The following SH3RF3 variants were observed in gnomAD, a reference collection of about 807,000 sequenced individuals.
The protein encoded by SH3RF3 is SH3 domain containing ring finger 3.
Under a neutral mutation model 66.3 loss-of-function variants are expected in SH3RF3, and 29 were observed. The ratio of observed to expected loss-of-function variants is 0.44; its 90% CI spans 0.33 to 0.60. The LOEUF is 0.60. SH3RF3 is among the 20% of genes least tolerant of loss of function. The pLI is 0.04. For synonymous variants in SH3RF3, 583 were observed against 532.0 expected, an observed-to-expected ratio of 1.10 and a Z score of -1.32; for missense variants, 1,194 against 1,190.9, an observed-to-expected ratio of 1.00 and a Z score of -0.04.
intron 1 of SH3RF3, among the ~76,000 whole-genome samples, chr2:109,317,526 G>C (rs1197192362): frequency 2.0e-5 from 3 of 152,162 alleles, no homozygotes; most frequent in Non-Finnish European, 1.5e-5. Flanking sequence ...GCAGGGACTT[G>C]GTTCTAGGTC....
At position 109,228,271 on chromosome 2, in the gene SH3RF3, C is replaced by T. The variant is rs149982571; in HGVS notation, c.573+98158C>T. Among the ~76,000 whole-genome samples, 220 of 152,296 alleles carry T rather than the reference C, an allele frequency of 1.4e-3. 5 individuals are homozygous for T. In the South Asian group the frequency reaches 0.029, roughly 20 times the overall value. On this transcript the variant is annotated intron_variant, in intron 1 of 9. Transcript: ENST00000309415. ...GTGTTAGCAGTGCGTGTCTATCCCC[C>T]AAAGGCTTTTATTGTCTCATTAATG...
At chr2:109,218,734 T>C (rs1679158941) in intron 1 of SH3RF3, among the ~76,000 whole-genome samples, 1 of 152,198 alleles carries the variant, frequency 6.6e-6, no homozygotes, top group African/African-American at 2.4e-5. Context: ...CTTTGTTCTC[T>C]AAGTGAAAAC....
intron 1 of SH3RF3, among the ~76,000 whole-genome samples, chr2:109,201,527 G>A (rs1011820001): frequency 8.5e-5 from 13 of 152,126 alleles, no homozygotes; most frequent in Non-Finnish European, 1.6e-4. Context: ...TCTCCTGCTA[G>A]GGTCTCCCCT....
At chr2:109,279,438 GGGTCTTC>G (rs1680832556) in intron 1 of SH3RF3, among the ~76,000 whole-genome samples, 1 of 152,170 alleles carries the variant, frequency 6.6e-6, no homozygotes, top group Admixed American at 6.5e-5. Flanking sequence ...CCTGTCTACT[GGGTCTTC>G]CTCCACCTCA....
chr2:109,246,854 G>C (rs1679929988), intron 1 of SH3RF3, among the ~76,000 whole-genome samples: 1 of 152,170 alleles, frequency 6.6e-6, no homozygotes, highest in Non-Finnish European at 1.5e-5. Flanking sequence ...GCGATGCTGG[G>C]GGTGTCTTCC....
At chr2:109,455,728 G>T (rs966433006) in intron 8 of SH3RF3, among the ~76,000 whole-genome samples, 1 of 152,150 alleles carries the variant, frequency 6.6e-6, no homozygotes, top group Non-Finnish European at 1.5e-5. Context: ...ACCCTTACTC[G>T]TCCATCCCAG....
chr2:109,275,248 G>C (rs2105328680), intron 1 of SH3RF3, among the ~76,000 whole-genome samples: 1 of 152,288 alleles, frequency 6.6e-6, no homozygotes, highest in Non-Finnish European at 1.5e-5. Context: ...ACGTGAGACT[G>C]ATATTCACCC....
intron 1 of SH3RF3, among the ~76,000 whole-genome samples, chr2:109,209,681 T>C (rs1678923502): frequency 6.6e-6 from 1 of 152,178 alleles, no homozygotes; most frequent in African/African-American, 2.4e-5. Flanking sequence ...AGGACCCATT[T>C]CTAAAGCATG....
intron 1 of SH3RF3, among the ~76,000 whole-genome samples, chr2:109,197,094 G>A (rs1300603405): frequency 6.6e-6 from 1 of 152,216 alleles, no homozygotes; most frequent in Non-Finnish European, 1.5e-5. Flanking sequence ...ACTGGCCCAA[G>A]GCAACACAGC....
intron 1 of SH3RF3, among the ~76,000 whole-genome samples, chr2:109,335,310 C>T (rs1279908020): frequency 6.6e-6 from 1 of 152,218 alleles, no homozygotes; most frequent in East Asian, 1.9e-4. Context: ...TCTTTATCCT[C>T]TCCCTATGCC....
At chr2:109,346,377 C>T (rs1574587559) in intron 1 of SH3RF3, among the ~76,000 whole-genome samples, 1 of 152,170 alleles carries the variant, frequency 6.6e-6, no homozygotes, top group African/African-American at 2.4e-5. Flanking sequence ...TTTCGATGTA[C>T]TACTGCTTCA....
At chr2:109,323,702 TG>T (rs1206803358) in intron 1 of SH3RF3, among the ~76,000 whole-genome samples, 1 of 152,214 alleles carries the variant, frequency 6.6e-6, no homozygotes, top group East Asian at 1.9e-4. Context: ...AAGGTGAAGG[TG>T]GCCTGCTCTT....
intron 1 of SH3RF3, among the ~76,000 whole-genome samples, chr2:109,301,458 C>T (rs904606276): frequency 4.6e-5 from 7 of 152,258 alleles, no homozygotes; most frequent in South Asian, 2.1e-4. Flanking sequence ...CTGGCCCCTT[C>T]GCTGTTTGAT....
intron 3 of SH3RF3, among the ~76,000 whole-genome samples, chr2:109,386,098 T>C (rs1452566513): frequency 6.6e-6 from 1 of 152,142 alleles, no homozygotes; most frequent in Non-Finnish European, 1.5e-5. Context: ...GTAGATTGGA[T>C]CTGGAAGCTA....
intron 8 of SH3RF3, among the ~76,000 whole-genome samples, chr2:109,471,209 A>C (rs1678496674): frequency 1.4e-5 from 2 of 139,254 alleles, no homozygotes; most frequent in Non-Finnish European, 3.0e-5. Context: ...TCTGTCTCAA[A>C]AAAAAAAAAA....
At chr2:109,477,580 C>T (rs964760064) in intron 8 of SH3RF3, among the ~76,000 whole-genome samples, 1 of 151,854 alleles carries the variant, frequency 6.6e-6, no homozygotes, top group Admixed American at 6.6e-5. Context: ...CTGTTGTAGT[C>T]CCTTGAGTTG....
intron 8 of SH3RF3, among the ~76,000 whole-genome samples, chr2:109,458,033 T>C (rs1255354569): frequency 6.6e-6 from 1 of 152,176 alleles, no homozygotes. Context: ...ATTTTGTTTT[T>C]TCAGGCACTC....
chr2:109,347,667 C>A lies in SH3RF3; in HGVS notation c.574-7C>A. ...CCCGGTGACCACATGCTGTCTGTTG[C>A]TTGCAGAATCCCTGCCTGCTTCCCT... On this transcript the variant is annotated splice_region_variant and splice_polypyrimidine_tract_variant and intron_variant, in intron 1 of 9. Coordinates refer to ENST00000309415, the MANE Select transcript of SH3RF3 (RefSeq NM_001099289.3). 6.2e-7 allele frequency: 1 copy of A among 1,612,524 alleles called. No homozygotes were observed. The highest frequency in any genetic ancestry group is 8.5e-7 in the Non-Finnish European group (1 of 1,178,876).
intron 1 of SH3RF3, among the ~76,000 whole-genome samples, chr2:109,324,662 G>A (rs1057066175): frequency 1.3e-5 from 2 of 152,168 alleles, no homozygotes; most frequent in Non-Finnish European, 2.9e-5. Context: ...CCTTTCTCCT[G>A]GAACTCCTTT....
Sources: allele counts gnomAD v4.1 joint callset (sites outside exome capture counted in the v4.1 genomes callset), GRCh38; gene constraint gnomAD v4.1.1; transcripts MANE v1.5; gene names NCBI Gene and HGNC (gene_info 2026-07-23, HGNC 2026-07-21).